PSD3: variants seen among roughly 807,000 people sequenced by gnomAD.
The protein encoded by PSD3 is PH and SEC7 domain-containing protein 3.
A neutral mutation model predicts 105.5 loss-of-function variants in PSD3; 49 were observed. The ratio of observed to expected loss-of-function variants is 0.46; its 90% confidence interval spans 0.37 to 0.59. PSD3 has a LOEUF of 0.59. PSD3 is among the 20% of genes least tolerant of loss of function. The pLI is 0.00. For synonymous variants in PSD3, 557 were observed against 457.8 expected (o/e 1.22, Z -2.77); for missense variants, 1,561 against 1,263.8 (o/e 1.24, Z -3.57).
At position 19,043,449 on chromosome 8, in the gene PSD3, G is replaced by C. The variant is rs576327653; in HGVS notation, c.324+40757C>G. 3.9e-5 allele frequency among the ~76,000 whole-genome samples: 6 copies of C among 152,326 alleles called. No individual in the cohort carries two copies. The East Asian group carries it at 1.2e-3, about 29-fold the overall frequency. On this transcript the variant is annotated intron_variant, in intron 1 of 1. Coordinates refer to the PSD3 transcript ENST00000521475. ...AACTTAACAAATTCTGGCTGGGAAAGAAACTAGTAGATTGGGGTCCAATCT... is the reference window on the plus strand; with the variant it reads ...AACTTAACAAATTCTGGCTGGGAAACAAACTAGTAGATTGGGGTCCAATCT...
rs772382693 is a variant in PSD3 at position 19,049,146 on chromosome 8, C to T, written c.324+35060G>A. Among the ~76,000 whole-genome samples the T allele has an allele frequency of 3.9e-5, 6 of 152,248 alleles. No homozygotes were observed. The South Asian group carries it at 1.0e-3, about 26-fold the overall frequency. Reference sequence around the variant, plus strand: ...TTAATTACCTCCTTAAAGGCCCTATCGCCAAATACAGTCACATTTGGAGGT... The same window carrying T: ...TTAATTACCTCCTTAAAGGCCCTATTGCCAAATACAGTCACATTTGGAGGT... On this transcript the variant is annotated intron_variant, in intron 1 of 1. Transcript: ENST00000521475.
At chr8:18,915,688 G>A (rs1025304804) in intron 2 of PSD3, among the ~76,000 whole-genome samples, 3 of 152,134 alleles carry the variant, frequency 2.0e-5, no homozygotes, top group Non-Finnish European at 2.9e-5. Flanking sequence ...GTATCACCTC[G>A]AATCTGTTAG....
intron 9 of PSD3, among the ~76,000 whole-genome samples, chr8:18,658,621 C>G (rs556025983): frequency 1.3e-3 from 195 of 150,858 alleles, no homozygotes; most frequent in African/African-American, 4.5e-3. Flanking sequence ...ATCCTGGGCT[C>G]AAGGGATCCT....
At chr8:18,854,151 C>T (rs569912901) in intron 4 of PSD3, 1 of 152,560 alleles carries the variant, frequency 6.6e-6, no homozygotes, top group South Asian at 2.1e-4. Flanking sequence ...AGAGCATTCT[C>T]CCATTCCATC....
intron 1 of PSD3, among the ~76,000 whole-genome samples, chr8:18,954,620 T>C (rs1048493852): frequency 1.3e-5 from 2 of 152,172 alleles, no homozygotes; most frequent in Admixed American, 1.3e-4. Context: ...CATATTCCAA[T>C]TTCAGTGGTG....
chr8:18,826,742 A>G (rs1017004968), intron 4 of PSD3, among the ~76,000 whole-genome samples: 1 of 152,232 alleles, frequency 6.6e-6, no homozygotes, highest in Admixed American at 6.5e-5. Context: ...AAATCTAATT[A>G]TGGCTATAAA....
chr8:18,774,973 C>G (rs781767002), intron 8 of PSD3: 1 of 456,140 alleles, frequency 2.2e-6, no homozygotes, highest in Non-Finnish European at 4.4e-6. Context: ...GAAAAGTGCC[C>G]ATTAATCAAC....
At chr8:18,783,971 A>AT (rs1262225833) in intron 8 of PSD3, among the ~76,000 whole-genome samples, 3 of 151,998 alleles carry the variant, frequency 2.0e-5, no homozygotes, top group Non-Finnish European at 4.4e-5. Context: ...CCTCTTGTAA[A>AT]TTTTTTTTGG....
rs35771611 is a variant in PSD3, at chr8:18,841,467, A to AACACAC, written c.1634+26201_1634+26206dup. ...TATTTTTAAGAGTGTCTGCTATTTA[A>AACACAC]ACACACACACACACACACACACACA... On this transcript the variant is annotated intron_variant, in intron 4 of 15. Coordinates refer to ENST00000327040, the MANE Select transcript of PSD3 (RefSeq NM_015310.4). Among the ~76,000 whole-genome samples the AACACAC allele has an allele frequency of 5.2e-3, 769 of 148,234 alleles. 3 individuals carry two copies. Among genetic ancestry groups the AACACAC allele is most frequent in the East Asian group, 0.01 (51 of 5,032 alleles).
intron 9 of PSD3, among the ~76,000 whole-genome samples, chr8:18,700,928 T>G (rs926101239): frequency 6.6e-6 from 1 of 152,160 alleles, no homozygotes; most frequent in South Asian, 2.1e-4. Context: ...CCAAGGTCTT[T>G]GGAAATTTAA....
chr8:18,728,257 T>C lies in PSD3; in HGVS notation c.2172+37192A>G, dbSNP rs140432507. Reference sequence around the variant, plus strand: ...TGAAATACTCATTGCAAGAATTCAATGAAAAGTTGAGAACCTCCTATCCAC... The same window carrying C: ...TGAAATACTCATTGCAAGAATTCAACGAAAAGTTGAGAACCTCCTATCCAC... On this transcript the variant is annotated intron_variant, in intron 9 of 15. Transcript: ENST00000327040. Among the ~76,000 whole-genome samples the C allele has an allele frequency of 9.1e-4, 138 of 152,304 alleles. 2 individuals are homozygous for C. Among genetic ancestry groups the C allele is most frequent in the East Asian group, 7.9e-3 (41 of 5,182 alleles).
At chr8:18,888,092 G>A (rs906960355) in intron 2 of PSD3, among the ~76,000 whole-genome samples, 1 of 152,082 alleles carries the variant, frequency 6.6e-6, no homozygotes, top group African/African-American at 2.4e-5. Context: ...TGCCTCCAGG[G>A]GGATTCCTTG....
chr8:18,752,835 C>T (rs555313681), intron 9 of PSD3, among the ~76,000 whole-genome samples: 4 of 149,124 alleles, frequency 2.7e-5, no homozygotes, highest in African/African-American at 9.9e-5. Context: ...AAAGAAAGAG[C>T]ATGGAAATGA....
At chr8:18,697,005 G>C (rs1338502649) in intron 9 of PSD3, among the ~76,000 whole-genome samples, 1 of 152,164 alleles carries the variant, frequency 6.6e-6, no homozygotes, top group Non-Finnish European at 1.5e-5. Context: ...CACTTTGCGG[G>C]GACAACGTGG....
At chr8:18,886,440 C>T (rs1269945133) in intron 2 of PSD3, among the ~76,000 whole-genome samples, 1 of 152,152 alleles carries the variant, frequency 6.6e-6, no homozygotes, top group Non-Finnish European at 1.5e-5. Flanking sequence ...CTGGATTCAG[C>T]AGAACCTGGT....
At chr8:18,776,848 T>C (rs925297971) in intron 8 of PSD3, among the ~76,000 whole-genome samples, 12 of 152,210 alleles carry the variant, frequency 7.9e-5, no homozygotes, top group African/African-American at 2.7e-4. Flanking sequence ...TTGAATCTTC[T>C]TGGTAGTTTG....
At chr8:18,964,507 A>G (rs1824123304) in intron 1 of PSD3, among the ~76,000 whole-genome samples, 1 of 151,528 alleles carries the variant, frequency 6.6e-6, no homozygotes, top group Admixed American at 6.6e-5. Context: ...TAAAACCTGG[A>G]GCATTTTTTT....
chr8:18,705,711 A>T (rs1319291657), intron 9 of PSD3, among the ~76,000 whole-genome samples: 5 of 152,258 alleles, frequency 3.3e-5, no homozygotes, highest in Non-Finnish European at 4.4e-5. Context: ...TATCTATATT[A>T]AAAAAGTCTT....
chr8:18,684,514 G>T (rs556130067), intron 9 of PSD3, among the ~76,000 whole-genome samples: 2 of 152,140 alleles, frequency 1.3e-5, no homozygotes, highest in African/African-American at 4.8e-5. Context: ...CTAGTGAAAC[G>T]ATGCGAGACA....
Sources: allele counts gnomAD v4.1 joint callset (sites outside exome capture counted in the v4.1 genomes callset), GRCh38; gene constraint gnomAD v4.1.1; transcripts MANE v1.5; gene names NCBI Gene and HGNC (gene_info 2026-07-23, HGNC 2026-07-21).